The following NEGR1 variants were observed in gnomAD, a reference collection of about 807,000 sequenced individuals.
NEGR1 encodes IgLON family member 4.
A neutral mutation model predicts 40.9 loss-of-function variants in NEGR1; 10 were observed. That is an observed-to-expected ratio of 0.24 (90% confidence interval 0.15 to 0.42). The LOEUF (loss-of-function observed/expected upper bound fraction) is 0.42. NEGR1 is among the 10% of genes least tolerant of loss of function. The pLI, the probability that NEGR1 is intolerant of heterozygous loss-of-function variation, is 1.00. For synonymous variants in NEGR1, 185 were observed against 166.8 expected, an observed-to-expected ratio of 1.11 and a Z score of -0.84; for missense variants, 352 against 438.9, an observed-to-expected ratio of 0.80 and a Z score of 1.77.
At chr1:71,637,913 A>ATAC (rs1244964674) in intron 4 of NEGR1, among the ~76,000 whole-genome samples, 40 of 152,032 alleles carry the variant, frequency 2.6e-4, no homozygotes, top group Admixed American at 2.6e-3. Flanking sequence ...TACTAAGCAT[A>ATAC]TACTATTTGC....
chr1:71,558,135 G>C (rs1557565908), intron 6 of NEGR1, among the ~76,000 whole-genome samples: 1 of 151,482 alleles, frequency 6.6e-6, no homozygotes. Context: ...TGGTTAAGCT[G>C]TTTTTTGTCA....
At chr1:71,740,251 C>G (rs1284609998) in intron 3 of NEGR1, among the ~76,000 whole-genome samples, 1 of 152,146 alleles carries the variant, frequency 6.6e-6, no homozygotes, top group Non-Finnish European at 1.5e-5. Context: ...ATTTCGGCCT[C>G]TAATGGAGAA....
chr1:71,747,973 T>G (rs933144458), intron 3 of NEGR1, among the ~76,000 whole-genome samples: 3 of 152,156 alleles, frequency 2.0e-5, no homozygotes, highest in Non-Finnish European at 2.9e-5. Context: ...TTGGACAGAA[T>G]AAGTCTACCA....
chr1:71,855,270 G>A (rs1251670772), intron 2 of NEGR1, among the ~76,000 whole-genome samples: 1 of 152,072 alleles, frequency 6.6e-6, no homozygotes, highest in East Asian at 1.9e-4. Context: ...GACCTGCCAA[G>A]TGGTTTTCCC....
intron 1 of NEGR1, among the ~76,000 whole-genome samples, chr1:72,134,243 C>T (rs1423624218): frequency 5.5e-5 from 8 of 144,250 alleles, no homozygotes; most frequent in Non-Finnish European, 9.0e-5. Context: ...GAGTCTTGCT[C>T]TGTTGCCCAG....
At chr1:72,027,949 T>G (rs1043776151) in intron 1 of NEGR1, among the ~76,000 whole-genome samples, 2 of 152,352 alleles carry the variant, frequency 1.3e-5, no homozygotes, top group South Asian at 2.1e-4. Flanking sequence ...AACACTGTAC[T>G]AGATTTTTCC....
intron 1 of NEGR1, among the ~76,000 whole-genome samples, chr1:72,087,409 C>A (rs952848012): frequency 6.6e-6 from 1 of 150,760 alleles, no homozygotes; most frequent in Non-Finnish European, 1.5e-5. Context: ...CCAGCTTGGG[C>A]GACAGAGTGA....
At chr1:72,066,242 G>A (rs2821267) in intron 1 of NEGR1, among the ~76,000 whole-genome samples, 17,384 of 152,040 alleles carry the variant, frequency 0.11, 1,190 homozygotes, top group East Asian at 0.28. Context: ...GATAAGTGGT[G>A]GAGCTGGGAT....
chr1:71,670,307 C>T (rs1652377579), intron 4 of NEGR1, among the ~76,000 whole-genome samples: 1 of 151,774 alleles, frequency 6.6e-6, no homozygotes, highest in Non-Finnish European at 1.5e-5. Context: ...AAATTTGCTG[C>T]CTTGTTAATG....
chr1:71,644,609 A>G (rs186185381), intron 4 of NEGR1, among the ~76,000 whole-genome samples: 192 of 152,122 alleles, frequency 1.3e-3, no homozygotes, highest in Non-Finnish European at 2.4e-3. Flanking sequence ...TGTTGAATAA[A>G]TATAATAGGT....
chr1:71,866,059 T>A (rs1045005272), intron 2 of NEGR1, among the ~76,000 whole-genome samples: 2 of 152,122 alleles, frequency 1.3e-5, no homozygotes, highest in African/African-American at 4.8e-5. Context: ...TGAAATACCT[T>A]TCCTTTCAAC....
chr1:71,575,794 A>AAAAAC (rs147061004), intron 6 of NEGR1, among the ~76,000 whole-genome samples: 89,822 of 151,184 alleles, frequency 0.59, 27,324 homozygotes, highest in Non-Finnish European at 0.67. Context: ...AAACAAAAAC[A>AAAAAC]AAAACAAAAC....
intron 1 of NEGR1, among the ~76,000 whole-genome samples, chr1:72,250,314 G>A (rs1195568329): frequency 1.3e-5 from 2 of 151,760 alleles, no homozygotes; most frequent in African/African-American, 2.4e-5. Flanking sequence ...TCTTCCCCTG[G>A]GGAACTCTGA....
intron 2 of NEGR1, among the ~76,000 whole-genome samples, chr1:71,853,941 C>T (rs547424880): frequency 1.3e-5 from 2 of 152,168 alleles, no homozygotes; most frequent in South Asian, 4.1e-4. Context: ...AATTATTAGG[C>T]TTGAGTTGAA....
chr1:71,455,545 T>G (rs942728485), intron 6 of NEGR1, among the ~76,000 whole-genome samples: 2 of 152,080 alleles, frequency 1.3e-5, no homozygotes, highest in African/African-American at 2.4e-5. Context: ...GCCAACATGA[T>G]AAAACACCGT....
At chr1:71,675,019 T>C (rs1652569388) in intron 4 of NEGR1, among the ~76,000 whole-genome samples, 1 of 150,146 alleles carries the variant, frequency 6.7e-6, no homozygotes, top group Admixed American at 6.7e-5. Flanking sequence ...ATATACCAGA[T>C]GTTGTATATA....
Position 71,831,991 on chromosome 1 carries a change from T to C in NEGR1, c.410-55694A>G, listed in dbSNP as rs553356842. 2.6e-5 allele frequency among the ~76,000 whole-genome samples: 4 copies of C among 151,764 alleles called. No individual in the cohort carries two copies. The South Asian group carries it at 8.3e-4, about 32-fold the overall frequency. ...TGAACGGGGAGTAACAGAATGAAAG[T>C]AGGACTTTAGGAACACTGGACTGAT... is the stretch of plus-strand genomic sequence containing the variant. On this transcript the variant is annotated intron_variant, in intron 2 of 6. Transcript: ENST00000357731.
chr1:71,791,247 A>C (rs938927864), intron 2 of NEGR1, among the ~76,000 whole-genome samples: 1 of 152,080 alleles, frequency 6.6e-6, no homozygotes, highest in Non-Finnish European at 1.5e-5. Context: ...AAATAATATT[A>C]AAGTTAAATT....
At chr1:71,688,386 T>TAG (rs1653125397) in intron 4 of NEGR1, among the ~76,000 whole-genome samples, 1 of 37,276 alleles carries the variant, frequency 2.7e-5, no homozygotes, top group Non-Finnish European at 5.7e-5. Flanking sequence ...ACATAAAAGA[T>TAG]ATATAAAATA....
Sources: gnomAD v4.1 joint callset for allele counts (sites outside exome capture counted in the v4.1 genomes callset) on GRCh38, gnomAD v4.1.1 for gene constraint, MANE v1.5 for transcripts, NCBI Gene and HGNC (gene_info 2026-07-23, HGNC 2026-07-21) for gene names.